STK39: variants seen among roughly 807,000 people sequenced by gnomAD.
STK39 encodes serine/threonine kinase 39.
STK39 carries 20 observed loss-of-function variants against 77.8 expected under a neutral mutation model. That is an observed-to-expected ratio of 0.26 (90% confidence interval 0.18 to 0.37). The LOEUF (loss-of-function observed/expected upper bound fraction) is 0.37. Ranked by LOEUF, STK39 falls within the 10% of genes least tolerant of loss-of-function variation. The pLI is 1.00. For missense variants in STK39, 479 were observed against 656.5 expected (o/e 0.73, Z 2.95); for synonymous variants, 246 against 234.1 (o/e 1.05, Z -0.47).
intron 10 of STK39, among the ~76,000 whole-genome samples, chr2:168,093,268 G>A (rs1686573730): frequency 6.6e-6 from 1 of 152,180 alleles, no homozygotes; most frequent in South Asian, 2.1e-4. Context: ...ATACTGCTAT[G>A]AAGAAATACC....
chr2:167,990,385 G>A (rs1683671209), intron 16 of STK39, among the ~76,000 whole-genome samples: 3 of 152,184 alleles, frequency 2.0e-5, no homozygotes, highest in Non-Finnish European at 1.5e-5. Context: ...ACAGTGTGCT[G>A]TACAAACAGA....
At chr2:168,127,896 G>C (rs1325158847) in intron 10 of STK39, among the ~76,000 whole-genome samples, 2 of 152,166 alleles carry the variant, frequency 1.3e-5, no homozygotes, top group Non-Finnish European at 2.9e-5. Flanking sequence ...GGAAGATGTG[G>C]AGAGTGGTTA....
At chr2:168,034,790 A>G (rs1292630785) in intron 14 of STK39, among the ~76,000 whole-genome samples, 1 of 152,162 alleles carries the variant, frequency 6.6e-6, no homozygotes, top group African/African-American at 2.4e-5. Flanking sequence ...AACATTAAAA[A>G]CCAGTTTGGC....
intron 2 of STK39, among the ~76,000 whole-genome samples, chr2:168,170,072 G>A (rs1319961285): frequency 6.6e-6 from 1 of 152,162 alleles, no homozygotes; most frequent in Non-Finnish European, 1.5e-5. Flanking sequence ...GCTCTGTCTT[G>A]AGATATGACC....
In STK39 at chr2:168,238,863, T is replaced by C. The variant is rs113585908; in HGVS notation, c.208+8365A>G. On this transcript the variant is annotated intron_variant, in intron 1 of 17. Coordinates refer to ENST00000355999, the MANE Select transcript of STK39 (RefSeq NM_013233.3). ...GGGAAAAAAGAAACACTTGAATCAC[T>C]TCAACTAAGAGCTGTTTTGGTATAA... 3.0e-3 allele frequency among the ~76,000 whole-genome samples: 457 copies of C among 152,312 alleles called. 3 individuals carry two copies. The highest frequency in any genetic ancestry group is 0.01 in the African/African-American group (435 of 41,554).
chr2:168,195,715 G>A (rs555308721), intron 1 of STK39, among the ~76,000 whole-genome samples: 1 of 152,208 alleles, frequency 6.6e-6, no homozygotes, highest in African/African-American at 2.4e-5. Context: ...ATGGATGAGT[G>A]TAAGAATTCC....
chr2:168,106,486 G>T (rs1375306), intron 10 of STK39, among the ~76,000 whole-genome samples: 2 of 152,034 alleles, frequency 1.3e-5, no homozygotes, highest in Non-Finnish European at 2.9e-5. Context: ...TAAAAGAACA[G>T]ATTATGTACT....
At chr2:168,227,136 A>C (rs1690329178) in intron 1 of STK39, among the ~76,000 whole-genome samples, 1 of 152,258 alleles carries the variant, frequency 6.6e-6, no homozygotes, top group African/African-American at 2.4e-5. Flanking sequence ...GCAGAACAAT[A>C]CGTATAGTTT....
intron 14 of STK39, among the ~76,000 whole-genome samples, chr2:168,041,004 T>C (rs1206250667): frequency 6.6e-6 from 1 of 152,154 alleles, no homozygotes; most frequent in Non-Finnish European, 1.5e-5. Flanking sequence ...ATTATGGGAA[T>C]CAAGGGCACT....
At chr2:168,139,016 G>C (rs1432653264) in intron 7 of STK39, among the ~76,000 whole-genome samples, 1 of 152,138 alleles carries the variant, frequency 6.6e-6, no homozygotes, top group African/African-American at 2.4e-5. Flanking sequence ...TTATGCAAAT[G>C]CTATACATGT....
intron 16 of STK39, among the ~76,000 whole-genome samples, chr2:167,994,256 A>G (rs957114007): frequency 6.6e-6 from 1 of 152,222 alleles, no homozygotes; most frequent in African/African-American, 2.4e-5. Flanking sequence ...ATCAATTACC[A>G]TCTTCCTGGC....
At chr2:167,979,569 A>G (rs2105264850) in intron 16 of STK39, among the ~76,000 whole-genome samples, 1 of 152,380 alleles carries the variant, frequency 6.6e-6, no homozygotes, top group East Asian at 1.9e-4. Flanking sequence ...AGAAGTTTTT[A>G]TTAGGAAAAC....
intron 16 of STK39, among the ~76,000 whole-genome samples, chr2:167,995,597 CAG>C (rs913921914): frequency 1.3e-5 from 2 of 152,032 alleles, no homozygotes; most frequent in African/African-American, 4.8e-5. Flanking sequence ...ACAGAAAGAA[CAG>C]AGAGTATCAA....
chr2:168,017,451 C>A (rs111653965), intron 14 of STK39, among the ~76,000 whole-genome samples: 9,658 of 130,238 alleles, frequency 0.074, 545 homozygotes, highest in East Asian at 0.22. Flanking sequence ...ATGGTGTGAT[C>A]TCACTGCAAC....
At position 168,214,395 on chromosome 2, in the gene STK39, T is replaced by C. The variant is rs144847590; in HGVS notation, c.209-32305A>G. On this transcript the variant is annotated intron_variant, in intron 1 of 17. Transcript: ENST00000355999. ...TTCCATTTATATTCTGGATAGTGTA[T>C]CCAGAATAGGTAAATCACATACTGT... Among the ~76,000 whole-genome samples the C allele has an allele frequency of 2.6e-5, 4 of 152,308 alleles. No individual in the cohort carries two copies. In the East Asian group the frequency reaches 7.7e-4, roughly 29 times the overall value.
chr2:168,003,956 C>T (rs1277822406), intron 16 of STK39, among the ~76,000 whole-genome samples: 8 of 152,182 alleles, frequency 5.3e-5, no homozygotes, highest in Admixed American at 5.2e-4. Flanking sequence ...AGACTTTCAT[C>T]GTAAAAGTGT....
chr2:168,190,678 G>A (rs1436315146), intron 1 of STK39, among the ~76,000 whole-genome samples: 3 of 152,182 alleles, frequency 2.0e-5, no homozygotes, highest in African/African-American at 7.2e-5. Flanking sequence ...GCCCACAACA[G>A]CCCTCGAAAT....
chr2:168,175,635 T>A (rs1327529858), intron 2 of STK39, among the ~76,000 whole-genome samples: 1 of 152,210 alleles, frequency 6.6e-6, no homozygotes, highest in Non-Finnish European at 1.5e-5. Flanking sequence ...AAAATGTTAG[T>A]TTTGCATATA....
chr2:168,228,159 T>C (rs1690356553), intron 1 of STK39, among the ~76,000 whole-genome samples: 1 of 152,224 alleles, frequency 6.6e-6, no homozygotes, highest in South Asian at 2.1e-4. Flanking sequence ...TAACACACTT[T>C]GCAGTAATCA....
Sources: allele counts gnomAD v4.1 joint callset (sites outside exome capture counted in the v4.1 genomes callset), GRCh38; gene constraint gnomAD v4.1.1; transcripts MANE v1.5; gene names NCBI Gene and HGNC (gene_info 2026-07-23, HGNC 2026-07-21).